The following DLGAP2 variants were observed in gnomAD, a reference collection of about 807,000 sequenced individuals.
DLGAP2 encodes disks large-associated protein 2.
A neutral mutation model predicts 100.3 loss-of-function variants in DLGAP2; 26 were observed. The ratio of observed to expected loss-of-function variants is 0.26; its 90% CI spans 0.19 to 0.36. The LOEUF is 0.36. DLGAP2 is among the 10% of genes least tolerant of loss of function. DLGAP2 has a pLI of 1.00. For missense variants in DLGAP2, 1,858 were observed against 1,453.2 expected, an observed-to-expected ratio of 1.28 and a Z score of -4.53; for synonymous variants, 886 against 630.1, an observed-to-expected ratio of 1.41 and a Z score of -6.08.
intron 3 of DLGAP2, among the ~76,000 whole-genome samples, chr8:1,341,721 C>T (rs753637030): frequency 5.9e-5 from 9 of 152,282 alleles, no homozygotes; most frequent in East Asian, 1.9e-4. Flanking sequence ...CATCACTGCC[C>T]GCCCTTTTGG....
chr8:1,004,445 A>G (rs551965897), intron 2 of DLGAP2, among the ~76,000 whole-genome samples: 1 of 152,342 alleles, frequency 6.6e-6, no homozygotes, highest in East Asian at 1.9e-4. Context: ...TTTTTCAAAT[A>G]CACGTCCAGA....
intron 3 of DLGAP2, among the ~76,000 whole-genome samples, chr8:1,494,411 C>T (rs1799486168): frequency 6.6e-6 from 1 of 152,182 alleles, no homozygotes; most frequent in Non-Finnish European, 1.5e-5. Flanking sequence ...TTGCAGTTGG[C>T]ATTCACGGGG....
chr8:957,959 G>A (rs773673256), intron 2 of DLGAP2, among the ~76,000 whole-genome samples: 4 of 152,054 alleles, frequency 2.6e-5, no homozygotes, highest in Non-Finnish European at 5.9e-5. Context: ...CGTTCCTGGT[G>A]CTGTGTGACC....
rs2130896537 is a variant in DLGAP2, at chr8:1,702,441, A to G, written c.*1035A>G. On this transcript the variant is annotated 3_prime_UTR_variant, in exon 15 of 15. Transcript: ENST00000637795. ...GATGTAAAAAGTTTAAGAAATATGA[A>G]TGTGAGTGGTAAGTATATCTCAGTT... 6.5e-6 allele frequency: 1 copy of G among 152,772 alleles called. No individual in the cohort carries two copies. The highest frequency in any genetic ancestry group is 2.1e-4 in the South Asian group (1 of 4,822). The allele number at this position is 152,772 out of a possible 1,614,324, so 9.5% of individuals were successfully genotyped here.
At chr8:995,223 T>C (rs2129016859) in intron 2 of DLGAP2, among the ~76,000 whole-genome samples, 1 of 152,276 alleles carries the variant, frequency 6.6e-6, no homozygotes, top group Non-Finnish European at 1.5e-5. Flanking sequence ...ATAAAACAAC[T>C]GTTTTGTGGG....
chr8:999,727 C>T (rs1308589214), intron 2 of DLGAP2, among the ~76,000 whole-genome samples: 2 of 152,182 alleles, frequency 1.3e-5, no homozygotes, highest in Non-Finnish European at 2.9e-5. Flanking sequence ...GATCCACCTG[C>T]CTGGGCCTTC....
At chr8:1,209,732 A>G (rs1273739453) in intron 2 of DLGAP2, among the ~76,000 whole-genome samples, 1 of 152,178 alleles carries the variant, frequency 6.6e-6, no homozygotes, top group African/African-American at 2.4e-5. Flanking sequence ...AAACATTTAA[A>G]GGTGTTTTTC....
chr8:1,638,020 G>T (rs1396596276), intron 8 of DLGAP2, among the ~76,000 whole-genome samples: 3 of 152,190 alleles, frequency 2.0e-5, no homozygotes, highest in Non-Finnish European at 4.4e-5. Context: ...TCAGCTCTGG[G>T]ATTCGCAGGG....
chr8:1,071,815 A>T (rs761439255), intron 2 of DLGAP2, among the ~76,000 whole-genome samples: 6 of 152,180 alleles, frequency 3.9e-5, no homozygotes, highest in African/African-American at 1.4e-4. Flanking sequence ...AAATATACTT[A>T]ATCACCCAGT....
At chr8:780,747 C>T (rs1399566575) in intron 1 of DLGAP2, among the ~76,000 whole-genome samples, 1 of 152,194 alleles carries the variant, frequency 6.6e-6, no homozygotes, top group Non-Finnish European at 1.5e-5. Context: ...TAACCAGAGT[C>T]GCCGTGTCTG....
chr8:1,234,622 G>C (rs1351177832), intron 2 of DLGAP2, among the ~76,000 whole-genome samples: 1 of 152,160 alleles, frequency 6.6e-6, no homozygotes, highest in Non-Finnish European at 1.5e-5. Context: ...TGTTCTAGAT[G>C]GTTTCAGCTC....
intron 1 of DLGAP2, among the ~76,000 whole-genome samples, chr8:763,783 G>C (rs1001505408): frequency 1.1e-4 from 16 of 152,288 alleles, no homozygotes; most frequent in African/African-American, 3.9e-4. Flanking sequence ...CCGATACTTG[G>C]TGGTAGAATT....
At chr8:1,083,580 C>G (rs1005989774) in intron 2 of DLGAP2, among the ~76,000 whole-genome samples, 3 of 152,234 alleles carry the variant, frequency 2.0e-5, no homozygotes, top group South Asian at 2.1e-4. Flanking sequence ...TAGTAACAAC[C>G]TTTTCCCTCA....
intron 8 of DLGAP2, among the ~76,000 whole-genome samples, chr8:1,644,805 C>T (rs1271457397): frequency 6.6e-6 from 1 of 152,160 alleles, no homozygotes; most frequent in Non-Finnish European, 1.5e-5. Flanking sequence ...GACACCATGG[C>T]TTTTACTCTA....
intron 2 of DLGAP2, among the ~76,000 whole-genome samples, chr8:1,029,527 G>A (rs986022407): frequency 2.0e-5 from 3 of 151,468 alleles, no homozygotes; most frequent in Admixed American, 1.3e-4. Flanking sequence ...CGAGAGGTTC[G>A]GGTAGGACGA....
In DLGAP2 at chr8:975,615, A is replaced by C. The variant is rs899806922; in HGVS notation, c.73+67649A>C. 2.6e-5 allele frequency among the ~76,000 whole-genome samples: 4 copies of C among 152,336 alleles called. No homozygotes were observed. In the East Asian group the frequency reaches 7.7e-4, roughly 29 times the overall value. On this transcript the variant is annotated intron_variant, in intron 2 of 14. Transcript: ENST00000637795. ...ACATCTGAAAATTGTAATCATTCACAGGCTAAGGAAGAAAAAATTACATCA... is the reference window on the plus strand; with the variant it reads ...ACATCTGAAAATTGTAATCATTCACCGGCTAAGGAAGAAAAAATTACATCA...
At chr8:1,651,460 G>A (rs919450042) in intron 8 of DLGAP2, among the ~76,000 whole-genome samples, 1 of 152,162 alleles carries the variant, frequency 6.6e-6, no homozygotes, top group Non-Finnish European at 1.5e-5. Context: ...ATCACCAAGA[G>A]ACTGGAAGTT....
intron 8 of DLGAP2, among the ~76,000 whole-genome samples, chr8:1,649,116 A>G (rs1378729385): frequency 2.0e-5 from 3 of 152,248 alleles, no homozygotes; most frequent in African/African-American, 7.2e-5. Flanking sequence ...ATCCAGGTGT[A>G]TACATTGAAT....
chr8:1,021,751 C>T (rs1370548607), intron 2 of DLGAP2, among the ~76,000 whole-genome samples: 1 of 152,180 alleles, frequency 6.6e-6, no homozygotes, highest in Admixed American at 6.5e-5. Context: ...ACATCTTCTG[C>T]CCATCTCCCT....
Sources: gnomAD v4.1 joint callset for allele counts (sites outside exome capture counted in the v4.1 genomes callset) on GRCh38, gnomAD v4.1.1 for gene constraint, MANE v1.5 for transcripts, NCBI Gene and HGNC (gene_info 2026-07-23, HGNC 2026-07-21) for gene names.